FSTL5: variants seen among roughly 807,000 people sequenced by gnomAD.
FSTL5 encodes follistatin like 5.
In FSTL5, 62 loss-of-function variants were observed where a neutral mutation model predicts 89.1. The ratio of observed to expected loss-of-function variants is 0.70; its 90% CI spans 0.57 to 0.86. The LOEUF (loss-of-function observed/expected upper bound fraction) is 0.86. Among genes scored for constraint, FSTL5 ranks in the 40% least tolerant of loss-of-function variants. The probability of loss-of-function intolerance (pLI) is 0.00; values close to 1 mark genes in which losing one functional copy is unlikely to be tolerated. For missense variants in FSTL5, 1,057 were observed against 1,001.6 expected, an observed-to-expected ratio of 1.06 and a Z score of -0.75; for synonymous variants, 383 against 346.2, an observed-to-expected ratio of 1.11 and a Z score of -1.18.
intron 3 of FSTL5, among the ~76,000 whole-genome samples, chr4:161,966,314 C>T (rs1359295477): frequency 6.6e-6 from 1 of 151,998 alleles, no homozygotes; most frequent in Non-Finnish European, 1.5e-5. Flanking sequence ...TCACTAAATT[C>T]TTACTTAGTA....
chr4:161,857,083 G>A (rs1045897030), intron 4 of FSTL5, among the ~76,000 whole-genome samples: 1 of 152,154 alleles, frequency 6.6e-6, no homozygotes, highest in African/African-American at 2.4e-5. Flanking sequence ...CATACATTGG[G>A]ATATTCAAAG....
intron 3 of FSTL5, among the ~76,000 whole-genome samples, chr4:161,975,275 A>C (rs1735600985): frequency 6.7e-5 from 10 of 150,088 alleles, no homozygotes; most frequent in Admixed American, 6.6e-4. Context: ...AGGACTATAA[A>C]TCATGCTGCT....
At chr4:161,692,292 T>C (rs926858881) in intron 6 of FSTL5, among the ~76,000 whole-genome samples, 2 of 151,998 alleles carry the variant, frequency 1.3e-5, no homozygotes, top group African/African-American at 4.8e-5. Context: ...CATAAAAGTG[T>C]GTTGAATTTT....
intron 2 of FSTL5, among the ~76,000 whole-genome samples, chr4:162,077,044 C>A (rs987617545): frequency 2.0e-5 from 3 of 151,770 alleles, no homozygotes; most frequent in South Asian, 2.1e-4. Context: ...TCTTTTAATG[C>A]ATTTTTTGTT....
chr4:161,943,041 C>T (rs569410776), intron 3 of FSTL5, among the ~76,000 whole-genome samples: 4 of 151,644 alleles, frequency 2.6e-5, no homozygotes, highest in African/African-American at 9.7e-5. Flanking sequence ...ATACATAATA[C>T]AAAATGGAAA....
At chr4:161,435,080 C>A (rs933601353) in intron 15 of FSTL5, among the ~76,000 whole-genome samples, 1 of 151,954 alleles carries the variant, frequency 6.6e-6, no homozygotes, top group African/African-American at 2.4e-5. Context: ...AGGCATATAA[C>A]CCCCCAAAAA....
intron 6 of FSTL5, among the ~76,000 whole-genome samples, chr4:161,675,967 A>G (rs888042802): frequency 6.6e-6 from 1 of 152,146 alleles, no homozygotes; most frequent in Non-Finnish European, 1.5e-5. Context: ...ACTAATTTGT[A>G]TGATACAATT....
chr4:161,981,603 G>C (rs893210554), intron 3 of FSTL5, among the ~76,000 whole-genome samples: 16 of 152,056 alleles, frequency 1.1e-4, no homozygotes, highest in African/African-American at 3.4e-4. Flanking sequence ...ATACTTTCTT[G>C]TGTTTCCATA....
intron 10 of FSTL5, among the ~76,000 whole-genome samples, chr4:161,513,026 G>A (rs1241872393): frequency 1.3e-5 from 2 of 151,998 alleles, no homozygotes; most frequent in Non-Finnish European, 2.9e-5. Context: ...GCTCTACTCT[G>A]TAAATCTGTT....
At chr4:162,138,940 T>G (rs934372946) in intron 1 of FSTL5, among the ~76,000 whole-genome samples, 6 of 152,084 alleles carry the variant, frequency 3.9e-5, no homozygotes, top group Non-Finnish European at 8.8e-5. Context: ...TTGAAAACAT[T>G]AAATAATACT....
intron 8 of FSTL5, among the ~76,000 whole-genome samples, chr4:161,550,321 T>A (rs1307871317): frequency 2.0e-5 from 3 of 151,838 alleles, no homozygotes; most frequent in African/African-American, 7.2e-5. Flanking sequence ...AAGTTCTGAT[T>A]TTATTCTTTT....
chr4:161,587,410 T>C (rs1220508121), intron 8 of FSTL5, 45 bp downstream of exon 8: 1 of 1,595,632 alleles, frequency 6.3e-7, no homozygotes, highest in South Asian at 1.1e-5. Flanking sequence ...CCTAGTAAAC[T>C]ATGGTGTTCT....
intron 3 of FSTL5, among the ~76,000 whole-genome samples, chr4:162,021,911 T>C (rs918974059): frequency 6.6e-6 from 1 of 151,862 alleles, no homozygotes; most frequent in Non-Finnish European, 1.5e-5. Flanking sequence ...GCCAATATGG[T>C]GAAACCCGTT....
intron 2 of FSTL5, among the ~76,000 whole-genome samples, chr4:162,095,915 T>C (rs1730732627): frequency 1.3e-5 from 2 of 151,906 alleles, no homozygotes; most frequent in Admixed American, 6.6e-5. Flanking sequence ...GAAAAATATA[T>C]CTTTAATGTG....
At chr4:161,779,353 T>G (rs1741538016) in intron 4 of FSTL5, among the ~76,000 whole-genome samples, 1 of 152,128 alleles carries the variant, frequency 6.6e-6, no homozygotes, top group African/African-American at 2.4e-5. Flanking sequence ...TTTTGTGAAT[T>G]TATTAGTTTA....
At chr4:162,032,580 A>G (rs952649270) in intron 3 of FSTL5, 1 of 152,164 alleles carries the variant, frequency 6.6e-6, no homozygotes, top group African/African-American at 2.4e-5. Context: ...TTCTTCAGCA[A>G]TATAGACACA....
chr4:161,749,972 T>C (rs948567385), intron 6 of FSTL5, among the ~76,000 whole-genome samples: 3 of 152,012 alleles, frequency 2.0e-5, no homozygotes, highest in Non-Finnish European at 2.9e-5. Context: ...CATATATCCA[T>C]GTGACAAACA....
intron 4 of FSTL5, among the ~76,000 whole-genome samples, chr4:161,813,945 A>G (rs1730245835): frequency 6.6e-6 from 1 of 152,152 alleles, no homozygotes; most frequent in Non-Finnish European, 1.5e-5. Flanking sequence ...AACATAATCA[A>G]TAAGGAAATG....
chr4:161,726,221 C>CT (rs1260115105), intron 6 of FSTL5, among the ~76,000 whole-genome samples: 3 of 69,248 alleles, frequency 4.3e-5, no homozygotes, highest in South Asian at 4.9e-4. Flanking sequence ...TTTCTTTTTT[C>CT]TTTTTCTTTT....
Sources: allele counts gnomAD v4.1 joint callset (sites outside exome capture counted in the v4.1 genomes callset), GRCh38; gene constraint gnomAD v4.1.1; transcripts MANE v1.5; gene names NCBI Gene and HGNC (gene_info 2026-07-23, HGNC 2026-07-21).